The following ARHGAP26 variants were observed in gnomAD, a reference collection of about 807,000 sequenced individuals.
The protein encoded by ARHGAP26 is Rho GTPase activating protein 26.
A neutral mutation model predicts 104.8 loss-of-function variants in ARHGAP26; 38 were observed. That is an observed-to-expected ratio of 0.36 (90% confidence interval 0.28 to 0.48). The LOEUF is 0.48. ARHGAP26 is among the 20% of genes least tolerant of loss of function. The pLI, the probability that ARHGAP26 is intolerant of heterozygous loss-of-function variation, is 0.99. For missense variants in ARHGAP26, 704 were observed against 947.9 expected (o/e 0.74, Z 3.38); for synonymous variants, 341 against 340.0 (o/e 1.00, Z -0.03).
chr5:143,115,418 A>G (rs959649864), intron 17 of ARHGAP26, among the ~76,000 whole-genome samples: 2 of 151,826 alleles, frequency 1.3e-5, no homozygotes, highest in African/African-American at 2.4e-5. Flanking sequence ...AAAGTATTTC[A>G]TATTTTTTTT....
At chr5:143,193,851 A>G (rs927364909) in intron 20 of ARHGAP26, 1 of 152,246 alleles carries the variant, frequency 6.6e-6, no homozygotes, top group Non-Finnish European at 1.5e-5. Flanking sequence ...AAACTTTACC[A>G]TAGATATATA....
In ARHGAP26 at chr5:143,056,191, C is replaced by T. The variant is rs1785780735; in HGVS notation, c.1432+105C>T. ...ATATTACCTAACCCTTCGTATTCTGCACATAAACTGGCCACATAACATACT... is the reference window on the plus strand; with the variant it reads ...ATATTACCTAACCCTTCGTATTCTGTACATAAACTGGCCACATAACATACT... On this transcript the variant is annotated intron_variant, in intron 16 of 22. Coordinates refer to ENST00000645722, the MANE Select transcript of ARHGAP26 (RefSeq NM_001135608.3). 3.3e-6 allele frequency: 3 copies of T among 904,550 alleles called. No individual in the cohort carries two copies. The African/African-American group carries it at 5.0e-5, about 15-fold the overall frequency. 56.0% of individuals were successfully genotyped at this position (904,550 alleles called of 1,614,324 possible).
chr5:143,016,274 A>G (rs574944928), intron 12 of ARHGAP26, among the ~76,000 whole-genome samples: 53 of 152,376 alleles, frequency 3.5e-4, no homozygotes, highest in Non-Finnish European at 7.1e-4. Flanking sequence ...TTTGGAAAAT[A>G]TAAGCAGTTG....
At chr5:143,052,929 C>CT (rs1173187712) in intron 14 of ARHGAP26, among the ~76,000 whole-genome samples, 2 of 152,184 alleles carry the variant, frequency 1.3e-5, no homozygotes, top group Non-Finnish European at 2.9e-5. Flanking sequence ...GGCTGCCTCC[C>CT]TTTACCTGGT....
At chr5:142,781,844 TGGGACTA>T (rs1757563569) in intron 1 of ARHGAP26, among the ~76,000 whole-genome samples, 1 of 152,174 alleles carries the variant, frequency 6.6e-6, no homozygotes, top group African/African-American at 2.4e-5. Flanking sequence ...CCTGAGTAGC[TGGGACTA>T]CAGGTGCGTG....
At chr5:143,181,400 C>T (rs887577847) in intron 20 of ARHGAP26, among the ~76,000 whole-genome samples, 2 of 152,244 alleles carry the variant, frequency 1.3e-5, no homozygotes, top group African/African-American at 4.8e-5. Context: ...TGTTCTTAAA[C>T]ATCACTTCCT....
intron 1 of ARHGAP26, among the ~76,000 whole-genome samples, chr5:142,852,148 A>T (rs1370821657): frequency 2.6e-5 from 4 of 152,224 alleles, no homozygotes; most frequent in Non-Finnish European, 4.4e-5. Flanking sequence ...GTTAAAGAGA[A>T]AAGAAAGAGT....
chr5:142,954,091 T>C lies in ARHGAP26; in HGVS notation c.1107+21966T>C, dbSNP rs142961369. ...TTAAGCGAGAGCTGTACAAATATTA[T>C]GCGTTCTAACCCCACAGCCCATCTC... On this transcript the variant is annotated intron_variant, in intron 11 of 22. Coordinates refer to ENST00000645722, the MANE Select transcript of ARHGAP26 (RefSeq NM_001135608.3). 8.0e-4 allele frequency among the ~76,000 whole-genome samples: 122 copies of C among 152,360 alleles called. 3 individuals are homozygous for C. Among genetic ancestry groups the C allele is most frequent in the African/African-American group, 2.7e-3 (111 of 41,588 alleles).
rs188660002 is a variant in ARHGAP26, at chr5:142,869,738, T to C, written c.155-3662T>C. Among the ~76,000 whole-genome samples, 343 of 152,328 alleles carry C rather than the reference T, an allele frequency of 2.3e-3. 1 individual carries two copies. The highest frequency in any genetic ancestry group is 3.9e-3 in the Admixed American group (59 of 15,308). On this transcript the variant is annotated intron_variant, in intron 1 of 22. Transcript: ENST00000645722. Reference sequence around the variant, plus strand: ...TATAAAATTAAGGTAGATTCTAATTTTTAAAAAATTATGGTAAACCTTCTG... The same window carrying C: ...TATAAAATTAAGGTAGATTCTAATTCTTAAAAAATTATGGTAAACCTTCTG...
chr5:142,888,408 A>C (rs1469516733), intron 5 of ARHGAP26, among the ~76,000 whole-genome samples: 1 of 152,164 alleles, frequency 6.6e-6, no homozygotes, highest in Non-Finnish European at 1.5e-5. Context: ...AACTTTCTTG[A>C]ATTACGTTTT....
At chr5:143,163,052 C>G (rs1207467980) in intron 20 of ARHGAP26, among the ~76,000 whole-genome samples, 1 of 152,082 alleles carries the variant, frequency 6.6e-6, no homozygotes, top group Non-Finnish European at 1.5e-5. Flanking sequence ...AAGGTCAAGG[C>G]TGCCATGAGC....
chr5:143,011,303 C>CATT (rs1778696756), intron 11 of ARHGAP26, among the ~76,000 whole-genome samples: 1 of 110,988 alleles, frequency 9.0e-6, no homozygotes, highest in African/African-American at 3.5e-5. Flanking sequence ...TAAACCCCCG[C>CATT]TTTTTTTTTT....
chr5:143,151,435 G>A (rs1040800702), intron 20 of ARHGAP26, among the ~76,000 whole-genome samples: 10 of 152,206 alleles, frequency 6.6e-5, no homozygotes, highest in Admixed American at 3.9e-4. Context: ...TTACCCAAAT[G>A]AGTTGAAATT....
intron 7 of ARHGAP26, among the ~76,000 whole-genome samples, 181 bp from the exon 8 acceptor site, chr5:142,903,359 G>A (rs1187974522): frequency 6.6e-6 from 1 of 152,194 alleles, no homozygotes; most frequent in African/African-American, 2.4e-5. Context: ...GAGTTTGAGA[G>A]TCATTCTGGT....
At chr5:143,054,245 C>T (rs1598820037) in intron 14 of ARHGAP26, among the ~76,000 whole-genome samples, 194 bp from the exon 15 acceptor site, 1 of 152,204 alleles carries the variant, frequency 6.6e-6, no homozygotes, top group Non-Finnish European at 1.5e-5. Context: ...GGATCAGTTT[C>T]ACTGCATTCT....
At chr5:142,922,903 A>G (rs573387144) in intron 10 of ARHGAP26, among the ~76,000 whole-genome samples, 20 of 152,176 alleles carry the variant, frequency 1.3e-4, no homozygotes, top group Non-Finnish European at 2.2e-4. Flanking sequence ...TCTCAATGCC[A>G]TGACATTTCA....
At chr5:142,853,821 C>T (rs1263766579) in intron 1 of ARHGAP26, among the ~76,000 whole-genome samples, 2 of 152,164 alleles carry the variant, frequency 1.3e-5, no homozygotes, top group African/African-American at 4.8e-5. Flanking sequence ...AGGCTACAAG[C>T]TTCCAGAGAG....
intron 17 of ARHGAP26, among the ~76,000 whole-genome samples, chr5:143,087,662 T>TTTTTTTTA (rs1790797248): frequency 1.4e-5 from 2 of 141,634 alleles, no homozygotes; most frequent in Admixed American, 7.1e-5. Context: ...TTTTTTTTTT[T>TTTTTTTTA]GAGACGGAGT....
At chr5:142,882,000 G>A (rs970502851) in intron 4 of ARHGAP26, among the ~76,000 whole-genome samples, 2 of 152,100 alleles carry the variant, frequency 1.3e-5, no homozygotes, top group Admixed American at 1.3e-4. Flanking sequence ...CACGACCCCT[G>A]GTGCTTGACA....
Sources: allele counts gnomAD v4.1 joint callset (sites outside exome capture counted in the v4.1 genomes callset), GRCh38; gene constraint gnomAD v4.1.1; transcripts MANE v1.5; gene names NCBI Gene and HGNC (gene_info 2026-07-23, HGNC 2026-07-21).